CNTN3: variants seen among roughly 807,000 people sequenced by gnomAD.
CNTN3 encodes the protein contactin-3.
Under a neutral mutation model 119.1 loss-of-function variants are expected in CNTN3, and 60 were observed. The observed-to-expected ratio is 0.50, with a 90% confidence interval of 0.41 to 0.62. CNTN3 has a LOEUF of 0.62. Ranked by LOEUF, CNTN3 falls within the 20% of genes least tolerant of loss-of-function variation. CNTN3 has a pLI of 0.00. For missense variants in CNTN3, 1,101 were observed against 1,242.4 expected, an observed-to-expected ratio of 0.89 and a Z score of 1.71; for synonymous variants, 450 against 438.7, an observed-to-expected ratio of 1.03 and a Z score of -0.32.
intron 13 of CNTN3, among the ~76,000 whole-genome samples, chr3:74,318,741 C>T (rs1235484566): frequency 6.6e-6 from 1 of 152,070 alleles, no homozygotes; most frequent in Non-Finnish European, 1.5e-5. Flanking sequence ...GAGTACCTGG[C>T]CATGTGAGGT....
At chr3:74,294,059 T>C (rs1006291263) in intron 19 of CNTN3, among the ~76,000 whole-genome samples, 3 of 152,104 alleles carry the variant, frequency 2.0e-5, no homozygotes, top group Admixed American at 1.3e-4. Flanking sequence ...GAACCCTCAT[T>C]TGAAGGTGTG....
chr3:74,544,886 C>T (rs1248760735), intron 1 of CNTN3, among the ~76,000 whole-genome samples: 1 of 152,174 alleles, frequency 6.6e-6, no homozygotes, highest in African/African-American at 2.4e-5. Context: ...GCATGAGCCA[C>T]CATGCCCGGC....
At position 74,472,079 on chromosome 3, in the gene CNTN3, T is replaced by A. The variant is rs527941332; in HGVS notation, c.358+14377A>T. 4.6e-5 allele frequency among the ~76,000 whole-genome samples: 7 copies of A among 152,330 alleles called. 1 individual carries two copies. In the South Asian group the frequency reaches 1.4e-3, roughly 32 times the overall value. ...AAATCCTTTCTTTATGTCTGGTGGC[T>A]ATGCTACTATGATTAGGCCACTTGT... On this transcript the variant is annotated intron_variant, in intron 4 of 22. Coordinates refer to ENST00000263665, the MANE Select transcript of CNTN3 (RefSeq NM_020872.3).
chr3:74,411,096 T>C (rs75462778), intron 5 of CNTN3, among the ~76,000 whole-genome samples: 2,028 of 152,240 alleles, frequency 0.013, 17 homozygotes, highest in African/African-American at 0.028. Context: ...TCTTTTGTTG[T>C]TTCTTTCTCT....
At chr3:74,549,236 C>G (rs765351455) in intron 1 of CNTN3, among the ~76,000 whole-genome samples, 2 of 152,084 alleles carry the variant, frequency 1.3e-5, no homozygotes, top group Non-Finnish European at 2.9e-5. Context: ...AGCACCTCCC[C>G]CTTTGCTGTC....
At chr3:74,610,213 A>G (rs1705057887) in intron 1 of CNTN3, among the ~76,000 whole-genome samples, 1 of 151,998 alleles carries the variant, frequency 6.6e-6, no homozygotes, top group Non-Finnish European at 1.5e-5. Flanking sequence ...AGTCCCAGCT[A>G]CTCAGGAGAC....
At chr3:74,267,233 C>T (rs200521175) in intron 21 of CNTN3, 33 bp downstream of exon 21, 18 of 1,427,434 alleles carry the variant, frequency 1.3e-5, no homozygotes, top group Admixed American at 3.4e-5. Flanking sequence ...GCCAAAATTA[C>T]GAAAATGAAG....
At position 74,603,399 on chromosome 3, in the gene CNTN3, T is replaced by C. The variant is rs372214180; in HGVS notation, c.-81+10992A>G. On this transcript the variant is annotated intron_variant, in intron 1 of 22. Coordinates refer to ENST00000263665, the MANE Select transcript of CNTN3 (RefSeq NM_020872.3). ...CAGTATCCACTACAAAACTGTCTCT[T>C]CAACCTAGATCCTAGCAGAATAAGC... Among the ~76,000 whole-genome samples the C allele has an allele frequency of 7.2e-5, 11 of 152,214 alleles. No homozygotes were observed. The East Asian group carries it at 7.8e-4, about 11-fold the overall frequency.
intron 1 of CNTN3, among the ~76,000 whole-genome samples, chr3:74,566,510 G>A (rs1004056716): frequency 6.6e-6 from 1 of 152,100 alleles, no homozygotes; most frequent in African/African-American, 2.4e-5. Context: ...CTAGCTTCTA[G>A]TGCTTGCTCA....
chr3:74,526,186 A>G (rs1274452240), intron 1 of CNTN3, among the ~76,000 whole-genome samples: 1 of 147,790 alleles, frequency 6.8e-6, no homozygotes, highest in Non-Finnish European at 1.5e-5. Flanking sequence ...AATGAATTAT[A>G]TTTATGAATA....
intron 3 of CNTN3, 49 bp downstream of exon 3, chr3:74,499,610 T>G (rs761272000): frequency 6.4e-7 from 1 of 1,556,158 alleles, no homozygotes; most frequent in East Asian, 2.3e-5. Flanking sequence ...AATCACCACA[T>G]AAGTGTGTTT....
chr3:74,335,360 C>G (rs996003625), intron 12 of CNTN3, among the ~76,000 whole-genome samples: 2 of 152,024 alleles, frequency 1.3e-5, no homozygotes, highest in Non-Finnish European at 2.9e-5. Context: ...ACAAAAGATG[C>G]TAGAATAGGT....
intron 1 of CNTN3, among the ~76,000 whole-genome samples, chr3:74,575,442 G>A (rs1704398689): frequency 1.3e-5 from 2 of 151,950 alleles, no homozygotes; most frequent in Non-Finnish European, 2.9e-5. Flanking sequence ...AGTGGAGACA[G>A]GGTTTCACCA....
intron 1 of CNTN3, among the ~76,000 whole-genome samples, chr3:74,588,511 A>G (rs1027429781): frequency 1.3e-5 from 2 of 151,960 alleles, no homozygotes; most frequent in African/African-American, 2.4e-5. Context: ...AATCAATATC[A>G]TGAAAATGGC....
chr3:74,366,370 A>G (rs1267775243), intron 8 of CNTN3, among the ~76,000 whole-genome samples: 2 of 152,102 alleles, frequency 1.3e-5, no homozygotes, highest in Non-Finnish European at 2.9e-5. Context: ...AAATGGATTT[A>G]TCATTTTCAA....
intron 3 of CNTN3, among the ~76,000 whole-genome samples, chr3:74,489,415 C>T (rs180865920): frequency 1.0e-4 from 15 of 150,178 alleles, no homozygotes; most frequent in African/African-American, 3.7e-4. Flanking sequence ...CCTTCCCTTC[C>T]TCCCTCCCTC....
chr3:74,606,467 C>T (rs1003010237), intron 1 of CNTN3, among the ~76,000 whole-genome samples: 1 of 151,580 alleles, frequency 6.6e-6, no homozygotes, highest in Non-Finnish European at 1.5e-5. Context: ...TGTATACATG[C>T]ACACATGTGA....
chr3:74,387,210 C>A (rs1294105252), intron 5 of CNTN3, among the ~76,000 whole-genome samples: 1 of 152,094 alleles, frequency 6.6e-6, no homozygotes, highest in Non-Finnish European at 1.5e-5. Flanking sequence ...GAGATAAACA[C>A]TCCTGGATGC....
At chr3:74,592,285 G>A (rs543795810) in intron 1 of CNTN3, among the ~76,000 whole-genome samples, 1 of 152,000 alleles carries the variant, frequency 6.6e-6, no homozygotes, top group East Asian at 1.9e-4. Context: ...GCAGGGGGCA[G>A]GAGCAGGGCA....
Sources: allele counts gnomAD v4.1 joint callset (sites outside exome capture counted in the v4.1 genomes callset), GRCh38; gene constraint gnomAD v4.1.1; transcripts MANE v1.5; gene names NCBI Gene and HGNC (gene_info 2026-07-23, HGNC 2026-07-21).